The following NALF1 variants were observed in gnomAD, a reference collection of about 807,000 sequenced individuals.
NALF1 encodes family with sequence similarity 155 member A.
A neutral mutation model predicts 48.4 loss-of-function variants in NALF1; 3 were observed. The ratio of observed to expected loss-of-function variants is 0.06; its 90% CI spans 0.03 to 0.16. The LOEUF is 0.16. Ranked by LOEUF, NALF1 falls within the 10% of genes least tolerant of loss-of-function variation. The pLI, the probability that NALF1 is intolerant of heterozygous loss-of-function variation, is 1.00. For missense variants in NALF1, 526 were observed against 571.5 expected (o/e 0.92, Z 0.81); for synonymous variants, 262 against 245.7 (o/e 1.07, Z -0.62).
intron 1 of NALF1, among the ~76,000 whole-genome samples, chr13:107,431,689 T>C (rs973783941): frequency 6.6e-6 from 1 of 152,182 alleles, no homozygotes; most frequent in Admixed American, 6.5e-5. Context: ...CTAAGTAATG[T>C]ATCTCAAATA....
chr13:107,222,202 T>G (rs1311557746), intron 1 of NALF1, among the ~76,000 whole-genome samples: 1 of 152,158 alleles, frequency 6.6e-6, no homozygotes, highest in Non-Finnish European at 1.5e-5. Flanking sequence ...CGCCTCCAAT[T>G]AAGAAGCTTA....
intron 1 of NALF1, among the ~76,000 whole-genome samples, chr13:107,649,041 T>A (rs918585232): frequency 1.3e-5 from 2 of 152,244 alleles, no homozygotes; most frequent in African/African-American, 4.8e-5. Flanking sequence ...TTTGTCTTTG[T>A]TGTTGAGTTT....
chr13:107,560,950 C>T (rs1183614904), intron 1 of NALF1, among the ~76,000 whole-genome samples: 5 of 152,286 alleles, frequency 3.3e-5, no homozygotes, highest in East Asian at 3.9e-4. Context: ...CCATTAACCC[C>T]GTATGTTTTC....
chr13:107,215,828 C>G (rs1260519483), intron 1 of NALF1, among the ~76,000 whole-genome samples: 1 of 143,216 alleles, frequency 7.0e-6, no homozygotes, highest in Non-Finnish European at 1.6e-5. Flanking sequence ...CAAAAAATGC[C>G]CTATGATTAA....
chr13:107,180,545 A>T (rs1879039267), intron 2 of NALF1, among the ~76,000 whole-genome samples: 1 of 152,046 alleles, frequency 6.6e-6, no homozygotes, highest in African/African-American at 2.4e-5. Flanking sequence ...CTTAGAAAAC[A>T]GTAACATAGT....
intron 1 of NALF1, among the ~76,000 whole-genome samples, chr13:107,575,299 C>G (rs1878106827): frequency 6.6e-6 from 1 of 152,144 alleles, no homozygotes; most frequent in African/African-American, 2.4e-5. Context: ...TTGGTAGGAT[C>G]CACTCAATTT....
chr13:107,389,277 C>T (rs913392697), intron 1 of NALF1, among the ~76,000 whole-genome samples: 18 of 152,296 alleles, frequency 1.2e-4, no homozygotes, highest in African/African-American at 3.4e-4. Context: ...AAGATATGTT[C>T]GGGTCCTAAC....
chr13:107,815,749 CTG>C (rs1488183073), intron 1 of NALF1, among the ~76,000 whole-genome samples: 1 of 152,154 alleles, frequency 6.6e-6, no homozygotes, highest in African/African-American at 2.4e-5. Flanking sequence ...TGTCCATCAA[CTG>C]GTGAATGGAT....
chr13:107,777,502 G>C (rs1877771046), intron 1 of NALF1, among the ~76,000 whole-genome samples: 1 of 152,178 alleles, frequency 6.6e-6, no homozygotes, highest in African/African-American at 2.4e-5. Flanking sequence ...CTTTATGATA[G>C]TGAGTGAGTT....
chr13:107,252,170 C>T (rs1880715115), intron 1 of NALF1, among the ~76,000 whole-genome samples: 1 of 152,148 alleles, frequency 6.6e-6, no homozygotes, highest in Non-Finnish European at 1.5e-5. Flanking sequence ...AAACACCCAC[C>T]TCCAAGCCCA....
At chr13:107,257,515 T>C (rs1198827692) in intron 1 of NALF1, among the ~76,000 whole-genome samples, 1 of 130,254 alleles carries the variant, frequency 7.7e-6, no homozygotes, top group Non-Finnish European at 1.6e-5. Flanking sequence ...TGCTTTGAAT[T>C]TGATATCATC....
chr13:107,585,497 C>T (rs148670795), intron 1 of NALF1, among the ~76,000 whole-genome samples: 337 of 152,186 alleles, frequency 2.2e-3, no homozygotes, highest in Admixed American at 3.7e-3. Context: ...TTCATAGAGG[C>T]AAAGGAGAAA....
rs562408960 is a variant in NALF1, at chr13:107,752,502, G to A, written c.915+113180C>T. 1.3e-4 allele frequency among the ~76,000 whole-genome samples: 20 copies of A among 152,248 alleles called. No individual in the cohort carries two copies. The South Asian group carries it at 4.1e-3, about 32-fold the overall frequency. On this transcript the variant is annotated intron_variant, in intron 1 of 2. Coordinates refer to ENST00000375915, the MANE Select transcript of NALF1 (RefSeq NM_001080396.3). ...ATAGAACAAAATATGGTGTGGGTGT[G>A]TGTGTAATGGAATAATGGAATACTA...
At chr13:107,289,018 T>C (rs1472864680) in intron 1 of NALF1, among the ~76,000 whole-genome samples, 1 of 152,196 alleles carries the variant, frequency 6.6e-6, no homozygotes, top group Non-Finnish European at 1.5e-5. Flanking sequence ...ATGTGAAACA[T>C]AGATAGCCAC....
At chr13:107,548,507 G>A (rs886988699) in intron 1 of NALF1, among the ~76,000 whole-genome samples, 1 of 152,108 alleles carries the variant, frequency 6.6e-6, no homozygotes, top group Admixed American at 6.6e-5. Flanking sequence ...GGGTTGAATA[G>A]TAGTTCTGTT....
intron 1 of NALF1, among the ~76,000 whole-genome samples, chr13:107,581,564 A>G (rs1878310492): frequency 6.6e-6 from 1 of 152,200 alleles, no homozygotes; most frequent in Non-Finnish European, 1.5e-5. Flanking sequence ...AATTGTGTAA[A>G]GAGAGAAGGA....
intron 1 of NALF1, among the ~76,000 whole-genome samples, chr13:107,412,746 C>T (rs1884014015): frequency 2.6e-5 from 4 of 152,184 alleles, no homozygotes; most frequent in African/African-American, 9.6e-5. Context: ...CAAAAAAATG[C>T]ATATCTACCC....
At chr13:107,635,345 GGA>G (rs1242088611) in intron 1 of NALF1, among the ~76,000 whole-genome samples, 1 of 151,988 alleles carries the variant, frequency 6.6e-6, no homozygotes. Flanking sequence ...CATGATGGCA[GGA>G]GAGAGAAGTG....
intron 1 of NALF1, among the ~76,000 whole-genome samples, chr13:107,749,782 G>A (rs919898544): frequency 6.6e-6 from 1 of 151,742 alleles, no homozygotes; most frequent in African/African-American, 2.4e-5. Flanking sequence ...ATTTTTTACT[G>A]TATCAGTTTG....
Sources: allele counts gnomAD v4.1 joint callset (sites outside exome capture counted in the v4.1 genomes callset), GRCh38; gene constraint gnomAD v4.1.1; transcripts MANE v1.5; gene names NCBI Gene and HGNC (gene_info 2026-07-23, HGNC 2026-07-21).